Variants in TYRO3 observed in about 807,000 individuals in gnomAD.
TYRO3 encodes the protein TYRO3 protein tyrosine kinase, also known as tyrosine-protein kinase receptor TYRO3.
Under a neutral mutation model 95.2 loss-of-function variants are expected in TYRO3, and 38 were observed. The ratio of observed to expected loss-of-function variants is 0.40; its 90% CI spans 0.31 to 0.52. The LOEUF (loss-of-function observed/expected upper bound fraction) is 0.52, where lower values mean the gene tolerates loss of function less well. Ranked by LOEUF, TYRO3 falls within the 20% of genes least tolerant of loss-of-function variation. TYRO3 has a pLI of 0.56. For missense variants in TYRO3, 812 were observed against 1,116.4 expected, an observed-to-expected ratio of 0.73 and a Z score of 3.89; for synonymous variants, 367 against 432.9, an observed-to-expected ratio of 0.85 and a Z score of 1.89.
rs1450127190 is a variant in TYRO3, at chr15:41,573,043, T to C, written c.1917T>C (p.Ile639=). The C allele has an allele frequency of 5.0e-6, 8 of 1,614,174 alleles. No homozygotes were observed. In the South Asian group the frequency reaches 7.7e-5, roughly 16 times the overall value. The part of the protein sequence containing the change: ...LQTLIRFMVD[I]ACGMEYLSSR... ...CCCTGATCCGGTTCATGGTGGACAT[T>C]GCCTGCGGCATGGAGTACCTGAGCT... is the stretch of plus-strand genomic sequence containing the variant. The change falls in exon 16 of 19, where the codon ATT becomes ATC. Residue 639 remains isoleucine (I), a synonymous_variant. Transcript: ENST00000263798.
chr15:41,573,752 A>T lies in TYRO3; in HGVS notation c.2219A>T (p.Glu740Val), dbSNP rs755886473. Residue 740 changes from glutamate to valine, a missense_variant, in exon 18 of 19, where the codon GAG (glutamate) becomes GTG (valine). By Grantham distance (121) the Glu-to-Val change is moderately radical (BLOSUM62 -2). Coordinates refer to ENST00000263798, the MANE Select transcript of TYRO3 (RefSeq NM_006293.4). The stretch of plus-strand genomic sequence containing the variant: ...CCATATGCTGGCATCGAAAACGCTG[A>T]GATTTACAACTACCTCATTGGCGGG... Reference protein sequence around the residue: ...QTPYAGIENAEIYNYLIGGNR... With the variant: ...QTPYAGIENAVIYNYLIGGNR... The T allele has an allele frequency of 2.5e-6, 4 of 1,614,266 alleles. No individual in the cohort carries two copies. In the East Asian group the frequency reaches 8.9e-5, roughly 36 times the overall value.
chr15:41,567,663 C>A, intron 7 of TYRO3, 126 bp downstream of exon 7: 1 of 757,944 alleles, frequency 1.3e-6, no homozygotes, highest in Non-Finnish European at 1.9e-6. Flanking sequence ...ACATTTACTG[C>A]ATATAACTAC....
At chr15:41,576,967 C>G (rs1009150506) in intron 18 of TYRO3, among the ~76,000 whole-genome samples, 1 of 151,848 alleles carries the variant, frequency 6.6e-6, no homozygotes, top group Non-Finnish European at 1.5e-5. Context: ...TCCGGCTGCA[C>G]GGTGAGGAAT....
intron 18 of TYRO3, among the ~76,000 whole-genome samples, chr15:41,574,024 T>C (rs1432114585): frequency 2.0e-5 from 3 of 152,244 alleles, no homozygotes; most frequent in Non-Finnish European, 2.9e-5. Context: ...ATTTCTTGCT[T>C]TAGCCTTTGT....
At chr15:41,576,056 A>C (rs1566904386) in intron 18 of TYRO3, among the ~76,000 whole-genome samples, 1 of 144,320 alleles carries the variant, frequency 6.9e-6, no homozygotes, top group Non-Finnish European at 1.5e-5. Flanking sequence ...GTGACCCGAG[A>C]TCACACCATT....
At chr15:41,561,785 A>T (rs778708871) in intron 3 of TYRO3, 146 bp downstream of exon 3, 15 of 565,296 alleles carry the variant, frequency 2.7e-5, no homozygotes, top group Non-Finnish European at 4.6e-5. Context: ...GGCCCACTCC[A>T]GATGTCGGAA....
chr15:41,577,678 G>T (rs1595507087), intron 18 of TYRO3: 1 of 496,382 alleles, frequency 2.0e-6, no homozygotes, highest in East Asian at 3.6e-5. Flanking sequence ...ATAGAGACAG[G>T]GTTTTGCCAT....
rs1566903237 is a variant in TYRO3 at position 41,573,112 on chromosome 15, G to A, written c.1985+1G>A. 1.2e-6 allele frequency: 2 copies of A among 1,613,048 alleles called. No individual in the cohort carries two copies. The highest frequency in any genetic ancestry group is 1.7e-5 in the Admixed American group (1 of 59,952). On this transcript the variant is annotated splice_donor_variant, in intron 16 of 18. Transcript: ENST00000263798. LOFTEE classifies it high-confidence loss of function. ...GAGACCTGGCTGCTCGGAATTGCATGTACGAATTCTGGAGGACTCGAGGGT... is the reference window on the plus strand; with the variant it reads ...GAGACCTGGCTGCTCGGAATTGCATATACGAATTCTGGAGGACTCGAGGGT...
chr15:41,568,776 T>C, intron 8 of TYRO3, 102 bp from the exon 9 acceptor site: 1 of 1,409,536 alleles, frequency 7.1e-7, no homozygotes, highest in Non-Finnish European at 9.6e-7. Flanking sequence ...ACAGTGCCCC[T>C]ATACTCCCAT....
intron 3 of TYRO3, chr15:41,562,220 G>C (rs575643024): frequency 1.8e-5 from 4 of 218,818 alleles, no homozygotes; most frequent in Non-Finnish European, 3.5e-5. Flanking sequence ...GCATGGTGGC[G>C]TGTGCCTGTA....
chr15:41,573,774 C>A lies in TYRO3; in HGVS notation c.2241C>A (p.Gly747=). Reference sequence around the variant, plus strand: ...CTGAGATTTACAACTACCTCATTGGCGGGAACCGCCTGAAACAGCCTCCGG... The same window carrying A: ...CTGAGATTTACAACTACCTCATTGGAGGGAACCGCCTGAAACAGCCTCCGG... ...ENAEIYNYLI[G]GNRLKQPPEC... Residue 747 remains glycine (G), a synonymous_variant, in exon 18 of 19, where the codon GGC becomes GGA. Transcript: ENST00000263798. 1 of 1,614,232 alleles carries A rather than the reference C, an allele frequency of 6.2e-7. No homozygotes were observed. The highest frequency in any genetic ancestry group is 8.5e-7 in the Non-Finnish European group (1 of 1,180,050).
In TYRO3 at chr15:41,560,428, T is replaced by TGTGTGTGTGTGC. The variant is rs1408766845; in HGVS notation, c.125-698_125-697insTGTGTGTGTGCG. The stretch of plus-strand genomic sequence containing the variant: ...GTGTGTGTGTGTGTGTGTGTGTGTG[T>TGTGTGTGTGTGC]GCGCGCGCGCGCGCGCGCTCGCACG... On this transcript the variant is annotated intron_variant, in intron 1 of 18. Coordinates refer to ENST00000263798, the MANE Select transcript of TYRO3 (RefSeq NM_006293.4). Among the ~76,000 whole-genome samples, 145 of 135,304 alleles carry TGTGTGTGTGTGC rather than the reference T, an allele frequency of 1.1e-3. 1 individual carries two copies. Among genetic ancestry groups the TGTGTGTGTGTGC allele is most frequent in the Admixed American group, 2.1e-3 (29 of 13,928 alleles). The allele number at this position is 135,304 out of a possible 152,430, so 88.8% of individuals were successfully genotyped here.
At position 41,559,267 on chromosome 15, in the gene TYRO3, A is replaced by T. The variant is rs2052127406; in HGVS notation, c.10A>T (p.Arg4Trp). The T allele has an allele frequency of 2.3e-6, 1 of 441,168 alleles. No homozygotes were observed. Among genetic ancestry groups the T allele is most frequent in the African/African-American group, 2.2e-5 (1 of 46,056 alleles). 27.3% of individuals were successfully genotyped at this position (441,168 alleles called of 1,614,324 possible). A position where few individuals can be genotyped will look rare whatever the true frequency, so the allele number is the denominator to read the frequency against. ...TGCGGCGTCGCCGCCGATGGCGCTG[A>T]GGCGGAGCATGGGGCGGCCGGGGCT... is the stretch of plus-strand genomic sequence containing the variant. MAL[R>W]RSMGRPGLPP... Residue 4 changes from arginine (R) to tryptophan (W), a missense_variant, in exon 1 of 19, where the codon AGG (arginine) becomes TGG (tryptophan). Arg to Trp is a moderately radical substitution (Grantham distance 101). Transcript: ENST00000263798.
chr15:41,564,117 C>A, intron 4 of TYRO3, 67 bp from the exon 5 acceptor site: 1 of 1,437,036 alleles, frequency 7.0e-7, no homozygotes, highest in Non-Finnish European at 9.8e-7. Flanking sequence ...CTGAGTATTC[C>A]CCTTTCCCAG....
At chr15:41,571,947 C>T (rs552610888) in intron 14 of TYRO3, among the ~76,000 whole-genome samples, 2 of 151,438 alleles carry the variant, frequency 1.3e-5, no homozygotes, top group African/African-American at 4.8e-5. Flanking sequence ...TGCTTGAGGC[C>T]AGGGGTTTGA....
In TYRO3 at chr15:41,566,360, C is replaced by T. The variant is rs147870688; in HGVS notation, c.784-1000C>T. ...AAAAAAAAAAAAAAAGAGGATCCTACTCTGGCCCTCCTTTGGCCACACCCC... is the reference window on the plus strand; with the variant it reads ...AAAAAAAAAAAAAAAGAGGATCCTATTCTGGCCCTCCTTTGGCCACACCCC... On this transcript the variant is annotated intron_variant, in intron 6 of 18. Transcript: ENST00000263798. Among the ~76,000 whole-genome samples, 333 of 144,276 alleles carry T rather than the reference C, an allele frequency of 2.3e-3. 1 individual carries two copies. The highest frequency in any genetic ancestry group is 8.0e-3 in the African/African-American group (317 of 39,808). The allele number at this position is 144,276 out of a possible 152,430, so 94.7% of individuals were successfully genotyped here.
chr15:41,564,623 A>G (rs1013800633), intron 5 of TYRO3, among the ~76,000 whole-genome samples: 2 of 152,062 alleles, frequency 1.3e-5, no homozygotes, highest in African/African-American at 2.4e-5. Context: ...CTAGTACCGG[A>G]TGGAGGAGAC....
rs900252819 is a variant in TYRO3 at position 41,570,483 on chromosome 15, C to A, written c.1484-121C>A. 5 of 1,382,568 alleles carry A rather than the reference C, an allele frequency of 3.6e-6. No homozygotes were observed. In the African/African-American group the frequency reaches 7.1e-5, roughly 20 times the overall value. The allele number at this position is 1,382,568 out of a possible 1,614,324, so 85.6% of individuals were successfully genotyped here. ...AAATCTGCCTGTGTGGAGTTCACCA[C>A]CCCAGCCGTGGGAGACCTAAGCTCA... On this transcript the variant is annotated intron_variant, in intron 11 of 18. Coordinates refer to ENST00000263798, the MANE Select transcript of TYRO3 (RefSeq NM_006293.4).
chr15:41,564,208 C>A lies in TYRO3; in HGVS notation c.605C>A (p.Ser202Tyr). 6.2e-7 allele frequency: 1 copy of A among 1,614,144 alleles called. No homozygotes were observed. Among genetic ancestry groups the A allele is most frequent in the Non-Finnish European group, 8.5e-7 (1 of 1,180,022 alleles). Residue 202 changes from serine (S) to tyrosine (Y), a missense_variant, in exon 5 of 19, where the codon TCC becomes TAC. Ser to Tyr is a moderately radical substitution (Grantham distance 144). Transcript: ENST00000263798. ...GGGGTGACCCAGAGCACCATGTTTT[C>A]CTGTGAAGCTCACAACCTAAAAGGC... ...VTGVTQSTMF[S>Y]CEAHNLKGLA... is the part of the protein sequence containing the mutation.
Sources: gnomAD v4.1 joint callset for allele counts (sites outside exome capture counted in the v4.1 genomes callset) on GRCh38, gnomAD v4.1.1 for gene constraint, MANE v1.5 for transcripts, NCBI Gene and HGNC (gene_info 2026-07-23, HGNC 2026-07-21) for gene names.